The following PREP variants were observed in gnomAD, a reference collection of about 807,000 sequenced individuals.
PREP encodes prolyl endopeptidase, also known as dJ355L5.1 (prolyl endopeptidase).
In PREP, 29 loss-of-function variants were observed where a neutral mutation model predicts 87.6. That is an observed-to-expected ratio of 0.33 (90% CI 0.25 to 0.45). The LOEUF (loss-of-function observed/expected upper bound fraction) is 0.45. Ranked by LOEUF, PREP falls within the 20% of genes least tolerant of loss-of-function variation. The pLI, the probability that PREP is intolerant of heterozygous loss-of-function variation, is 1.00. For synonymous variants in PREP, 337 were observed against 328.6 expected (o/e 1.03, Z -0.28); for missense variants, 695 against 886.5 (o/e 0.78, Z 2.74).
chr6:105,326,885 C>T (rs1397125798), intron 9 of PREP, among the ~76,000 whole-genome samples: 3 of 152,182 alleles, frequency 2.0e-5, no homozygotes, highest in Admixed American at 6.5e-5. Flanking sequence ...CAGTACAGAA[C>T]GAGGAACACA....
At chr6:105,281,953 T>TACATAAAC in intron 13 of PREP, 51 bp from the exon 14 acceptor site, 1 of 1,593,698 alleles carries the variant, frequency 6.3e-7, no homozygotes, top group Non-Finnish European at 8.6e-7. Context: ...ATTAAACATC[T>TACATAAAC]ACATAAACAA....
At chr6:105,321,241 A>T (rs1431348283) in intron 10 of PREP, among the ~76,000 whole-genome samples, 1 of 152,252 alleles carries the variant, frequency 6.6e-6, no homozygotes, top group African/African-American at 2.4e-5. Flanking sequence ...AGAGCAACGC[A>T]TTAAGATCTG....
At chr6:105,292,313 C>T (rs970378868) in intron 10 of PREP, among the ~76,000 whole-genome samples, 1 of 152,160 alleles carries the variant, frequency 6.6e-6, no homozygotes, top group Non-Finnish European at 1.5e-5. Context: ...CAGAATTACT[C>T]CTTGATCCAT....
intron 2 of PREP, among the ~76,000 whole-genome samples, chr6:105,385,718 T>C (rs1772974444): frequency 6.6e-6 from 1 of 152,262 alleles, no homozygotes; most frequent in Admixed American, 6.5e-5. Flanking sequence ...GCACTTACTA[T>C]GTGCCTGCTA....
At chr6:105,297,943 G>A (rs575227611) in intron 10 of PREP, among the ~76,000 whole-genome samples, 8 of 152,300 alleles carry the variant, frequency 5.3e-5, no homozygotes, top group African/African-American at 1.9e-4. Context: ...AGAGTACATC[G>A]ATATGAAGCC....
intron 6 of PREP, 92 bp downstream of exon 6, chr6:105,368,811 C>T (rs1772461542): frequency 1.4e-6 from 2 of 1,429,196 alleles, no homozygotes; most frequent in East Asian, 4.6e-5. Context: ...GGGACTTCTG[C>T]CATCCATAAA....
chr6:105,397,913 A>G lies in PREP; in HGVS notation c.60T>C (p.His20=), dbSNP rs768059941. The G allele has an allele frequency of 6.6e-5, 106 of 1,610,000 alleles. No homozygotes were observed. In the South Asian group the frequency reaches 6.7e-4, roughly 10 times the overall value. ...YRDETAVQDY[H]GHKICDPYAW... ...CGTAAGGGTCACAAATTTTATGACC[A>G]TGATAATCCTGTACCTGTAAAAAAC... The change falls in exon 2 of 15, where the codon CAT becomes CAC. Residue 20 remains histidine (H), a synonymous_variant. Transcript: ENST00000652536.
intron 14 of PREP, 43 bp downstream of exon 14, chr6:105,281,703 A>G (rs765455449): frequency 1.5e-5 from 24 of 1,592,040 alleles, no homozygotes; most frequent in Non-Finnish European, 2.6e-6. Flanking sequence ...GTTCAACTTT[A>G]TATCAAACCA....
chr6:105,304,316 G>T (rs966827689), intron 10 of PREP, among the ~76,000 whole-genome samples: 1 of 152,112 alleles, frequency 6.6e-6, no homozygotes, highest in Non-Finnish European at 1.5e-5. Context: ...CTCAGATTTC[G>T]GTATCCACAG....
chr6:105,384,074 T>G (rs757570050), intron 2 of PREP, among the ~76,000 whole-genome samples: 1 of 152,008 alleles, frequency 6.6e-6, no homozygotes, highest in African/African-American at 2.4e-5. Context: ...ACTGTTGGAG[T>G]TGACATCTAT....
rs146148517 is a variant in PREP, at chr6:105,282,395, C to G, written c.1681+56G>C. On this transcript the variant is annotated intron_variant, in intron 13 of 14. Transcript: ENST00000652536. Reference sequence around the variant, plus strand: ...CAAGAGCTGCCTACAGATGGTGTATCTGAAAACCCCAAGAGGGCTAACTAG... The same window carrying G: ...CAAGAGCTGCCTACAGATGGTGTATGTGAAAACCCCAAGAGGGCTAACTAG... The G allele has an allele frequency of 6.6e-4, 1,038 of 1,566,440 alleles. 10 individuals carry two copies. The East Asian group carries it at 0.018, about 27-fold the overall frequency.
At chr6:105,397,220 G>A (rs1430345196) in intron 2 of PREP, among the ~76,000 whole-genome samples, 1 of 148,658 alleles carries the variant, frequency 6.7e-6, no homozygotes, top group Non-Finnish European at 1.5e-5. Context: ...TAAGTGACAA[G>A]TCCTAGGCAC....
chr6:105,350,257 A>C (rs1315041484), intron 7 of PREP, among the ~76,000 whole-genome samples: 2 of 152,208 alleles, frequency 1.3e-5, no homozygotes, highest in East Asian at 3.8e-4. Flanking sequence ...TGCATGCCAG[A>C]AACCCTGCTA....
intron 10 of PREP, among the ~76,000 whole-genome samples, chr6:105,315,563 T>C (rs1272772788): frequency 6.6e-6 from 1 of 152,208 alleles, no homozygotes; most frequent in Non-Finnish European, 1.5e-5. Context: ...TAGCCCCTAA[T>C]AGAATCAACC....
Position 105,274,259 on chromosome 6 carries a change from A to G in PREP, c.*3885T>C, listed in dbSNP as rs911350221. On this transcript the variant is annotated 3_prime_UTR_variant, in exon 15 of 15. Transcript: ENST00000652536. ...GGTTGCTTCCTGGTTCATAGGTGAC[A>G]CCGTCTCCTGTGTCCTCACATGGTG... Among the ~76,000 whole-genome samples, 17 of 150,116 alleles carry G rather than the reference A, an allele frequency of 1.1e-4. No individual in the cohort carries two copies. The highest frequency in any genetic ancestry group is 7.4e-5 in the Non-Finnish European group (5 of 67,724).
intron 11 of PREP, 63 bp downstream of exon 11, chr6:105,288,694 CT>C (rs1770238752): frequency 1.3e-6 from 2 of 1,583,438 alleles, no homozygotes; most frequent in East Asian, 2.2e-5. Flanking sequence ...GTAGAGCACT[CT>C]GGTTTGTTTC....
intron 8 of PREP, 67 bp downstream of exon 8, chr6:105,333,247 A>T: frequency 7.0e-7 from 1 of 1,421,104 alleles, no homozygotes; most frequent in South Asian, 1.2e-5. Flanking sequence ...AGAATGAGAG[A>T]CGCACTAACT....
intron 2 of PREP, among the ~76,000 whole-genome samples, chr6:105,394,459 A>G (rs778481009): frequency 1.5e-4 from 23 of 152,212 alleles, no homozygotes; most frequent in Non-Finnish European, 3.2e-4. Context: ...CAAATCTGTG[A>G]GTTCAAAAAA....
intron 10 of PREP, among the ~76,000 whole-genome samples, chr6:105,309,020 G>A (rs1363256316): frequency 6.6e-6 from 1 of 152,088 alleles, no homozygotes; most frequent in South Asian, 2.1e-4. Context: ...GAGGGGAGGG[G>A]TGGAGTGGGT....
Sources: allele counts gnomAD v4.1 joint callset (sites outside exome capture counted in the v4.1 genomes callset), GRCh38; gene constraint gnomAD v4.1.1; transcripts MANE v1.5; gene names NCBI Gene and HGNC (gene_info 2026-07-23, HGNC 2026-07-21).